RAI1: variants seen among roughly 807,000 people sequenced by gnomAD.
The protein encoded by RAI1 is retinoic acid induced 1, also known as retinoic acid-induced protein 1.
Under a neutral mutation model 123.8 loss-of-function variants are expected in RAI1, and 9 were observed. The ratio of observed to expected loss-of-function variants is 0.07; its 90% confidence interval spans 0.04 to 0.13. The LOEUF (loss-of-function observed/expected upper bound fraction) is 0.13. Among genes scored for constraint, RAI1 ranks in the 10% least tolerant of loss-of-function variants. The probability of loss-of-function intolerance (pLI) is 1.00; values close to 1 mark genes in which losing one functional copy is unlikely to be tolerated. For synonymous variants in RAI1, 1,231 were observed against 1,127.3 expected, an observed-to-expected ratio of 1.09 and a Z score of -1.84; for missense variants, 2,256 against 2,545.8, an observed-to-expected ratio of 0.89 and a Z score of 2.45.
intron 1 of RAI1, among the ~76,000 whole-genome samples, chr17:17,709,436 C>A (rs187923811): frequency 6.6e-6 from 1 of 152,232 alleles, no homozygotes; most frequent in East Asian, 1.9e-4. Flanking sequence ...CTCCACCCCT[C>A]CAGGCTCCCA....
chr17:17,682,401 C>G (rs1914462672), intron 1 of RAI1: 1 of 150,690 alleles, frequency 6.6e-6, no homozygotes, highest in Non-Finnish European at 1.5e-5. Flanking sequence ...AAGCGGCCCC[C>G]GCGACCTGGG....
At chr17:17,694,524 C>T (rs1914945202) in intron 1 of RAI1, among the ~76,000 whole-genome samples, 1 of 152,206 alleles carries the variant, frequency 6.6e-6, no homozygotes, top group African/African-American at 2.4e-5. Context: ...CCGGGCAGCT[C>T]CACGCTCGCC....
intron 2 of RAI1, chr17:17,778,939 A>AG (rs766524435): frequency 2.2e-6 from 1 of 456,914 alleles, no homozygotes; most frequent in South Asian, 1.5e-5. Flanking sequence ...GCCTGGGAAG[A>AG]GGGGCCAGTG....
At chr17:17,697,075 TCCCTACTGCCAGG>T (rs1440625077) in intron 1 of RAI1, among the ~76,000 whole-genome samples, 1 of 152,182 alleles carries the variant, frequency 6.6e-6, no homozygotes, top group Non-Finnish European at 1.5e-5. Context: ...CCCTGACCTA[TCCCTACTGCCAGG>T]CCTGTCTCTT....
chr17:17,742,447 G>A (rs1031826457), intron 2 of RAI1, among the ~76,000 whole-genome samples: 2 of 152,102 alleles, frequency 1.3e-5, no homozygotes, highest in African/African-American at 4.8e-5. Flanking sequence ...GAATGAACGA[G>A]TGAATGAATG....
intron 2 of RAI1, among the ~76,000 whole-genome samples, chr17:17,754,327 C>T (rs1482722575): frequency 6.6e-6 from 1 of 151,728 alleles, no homozygotes; most frequent in South Asian, 2.1e-4. Context: ...GCCTCAGCCC[C>T]CCGGGTTCAA....
rs1285590974 is a variant in RAI1, at chr17:17,800,228, C to T, written c.5565+1715C>T. Among the ~76,000 whole-genome samples the T allele has an allele frequency of 1.5e-5, 2 of 137,316 alleles. No individual in the cohort carries two copies. The highest frequency in any genetic ancestry group is 4.9e-4 in the South Asian group (2 of 4,072). The allele number at this position is 137,316 out of a possible 152,430, so 90.1% of individuals were successfully genotyped here. A position where few individuals can be genotyped will look rare whatever the true frequency, so the allele number is the denominator to read the frequency against. ...TCTCTCTCTCTCTCTCTCTCTCTCTCATTACTGGCTCCTTCCCAGCGCCTT... is the reference window on the plus strand; with the variant it reads ...TCTCTCTCTCTCTCTCTCTCTCTCTTATTACTGGCTCCTTCCCAGCGCCTT... On this transcript the variant is annotated intron_variant, in intron 3 of 5. Coordinates refer to ENST00000353383, the MANE Select transcript of RAI1 (RefSeq NM_030665.4). This position sits in a 1 kb window ranked among gnomAD's most constrained non-coding sequence, Gnocchi z 4.7.
At position 17,793,084 on chromosome 17, in the gene RAI1, C is replaced by A. The variant is rs1264382724; in HGVS notation, c.136C>A (p.Leu46Ile). 1 of 1,614,110 alleles carries A rather than the reference C, an allele frequency of 6.2e-7. No individual in the cohort carries two copies. Among genetic ancestry groups the A allele is most frequent in the Non-Finnish European group, 8.5e-7 (1 of 1,180,016 alleles). ...GCTAAGCTGCGACCGGCAGCGGCTG[C>A]TCGCCAAGGACTATTATAACCCGCA... ...AGLSCDRQRLLAKDYYNPQPY... is the reference protein window; with the variant it reads ...AGLSCDRQRLIAKDYYNPQPY... Residue 46 changes from leucine (L) to isoleucine (I), a missense_variant, in exon 3 of 6, where the codon CTC (leucine) becomes ATC (isoleucine). Transcript: ENST00000353383.
intron 1 of RAI1, among the ~76,000 whole-genome samples, chr17:17,713,431 G>C (rs1915623296): frequency 6.6e-6 from 1 of 152,154 alleles, no homozygotes. Context: ...CCTGAGGTCA[G>C]GGGTTCGAGA....
rs895686799 is a variant in RAI1 at position 17,801,147 on chromosome 17, C to T, written c.5566-2609C>T. ...CTCGATGGCCTTTTCTGGGAACTGCCCTCGCCTGCTATCTCTGAGCCCTGC... is the reference window on the plus strand; with the variant it reads ...CTCGATGGCCTTTTCTGGGAACTGCTCTCGCCTGCTATCTCTGAGCCCTGC... On this transcript the variant is annotated intron_variant, in intron 3 of 5. Coordinates refer to ENST00000353383, the MANE Select transcript of RAI1 (RefSeq NM_030665.4). This position sits in a 1 kb window ranked among gnomAD's most constrained non-coding sequence, Gnocchi z 4.1. 1.9e-4 allele frequency among the ~76,000 whole-genome samples: 29 copies of T among 152,190 alleles called. No homozygotes were observed. The highest frequency in any genetic ancestry group is 3.1e-4 in the Non-Finnish European group (21 of 68,028).
intron 1 of RAI1, among the ~76,000 whole-genome samples, chr17:17,700,758 G>A (rs763259414): frequency 9.2e-5 from 14 of 152,096 alleles, no homozygotes; most frequent in Non-Finnish European, 1.6e-4. Flanking sequence ...TTATCGCCCT[G>A]CCTCGGCGGA....
chr17:17,764,124 G>A (rs1300969424), intron 2 of RAI1, among the ~76,000 whole-genome samples: 3 of 152,212 alleles, frequency 2.0e-5, no homozygotes, highest in Non-Finnish European at 4.4e-5. Context: ...ATTTGGTGGT[G>A]GTGCCGACAC....
At chr17:17,687,636 T>G (rs543386515) in intron 1 of RAI1, among the ~76,000 whole-genome samples, 1 of 152,020 alleles carries the variant, frequency 6.6e-6, no homozygotes, top group South Asian at 2.1e-4. Context: ...TCAGGAAAAG[T>G]GGTTGAGTTT....
intron 1 of RAI1, among the ~76,000 whole-genome samples, chr17:17,686,881 T>A (rs554415438): frequency 2.4e-4 from 36 of 152,116 alleles, no homozygotes; most frequent in African/African-American, 8.4e-4. Context: ...CCCTAAGTGT[T>A]CTCTTGCTTG....
chr17:17,746,797 G>A (rs758830314), intron 2 of RAI1, among the ~76,000 whole-genome samples: 4 of 151,370 alleles, frequency 2.6e-5, no homozygotes, highest in East Asian at 3.9e-4. Context: ...CACCACGCCC[G>A]GCTAATTTTG....
At chr17:17,709,647 T>G (rs1389002943) in intron 1 of RAI1, among the ~76,000 whole-genome samples, 3 of 152,102 alleles carry the variant, frequency 2.0e-5, no homozygotes, top group Non-Finnish European at 2.9e-5. Context: ...GGTCCTGAGC[T>G]CCCTTCTCTG....
chr17:17,705,128 G>C (rs1413060139), intron 1 of RAI1, among the ~76,000 whole-genome samples: 1 of 152,176 alleles, frequency 6.6e-6, no homozygotes, highest in Admixed American at 6.5e-5. Context: ...AACATGGCTA[G>C]CACATCCTGA....
Position 17,810,503 on chromosome 17 carries a change from G to A in RAI1, c.*522G>A. ...CTAGCTCCGTGGACTAGGCGGGGGA[G>A]AAAGGAAGCCTTTCTGAGAGCGGGC... On this transcript the variant is annotated 3_prime_UTR_variant, in exon 6 of 6. Coordinates refer to ENST00000353383, the MANE Select transcript of RAI1 (RefSeq NM_030665.4). The surrounding 1 kb of genome is among the most constrained non-coding windows in gnomAD (Gnocchi z 4.6). 3.7e-6 allele frequency: 1 copy of A among 268,032 alleles called. No individual in the cohort carries two copies. The highest frequency in any genetic ancestry group is 7.5e-6 in the Non-Finnish European group (1 of 134,128). 16.6% of individuals were successfully genotyped at this position (268,032 alleles called of 1,614,324 possible).
intron 2 of RAI1, among the ~76,000 whole-genome samples, chr17:17,730,924 C>T (rs1916247947): frequency 6.6e-6 from 1 of 152,212 alleles, no homozygotes; most frequent in Non-Finnish European, 1.5e-5. Flanking sequence ...TACTTCGGGC[C>T]CACTCGCAGC....
Sources: gnomAD v4.1 joint callset for allele counts (sites outside exome capture counted in the v4.1 genomes callset) on GRCh38, gnomAD v4.1.1 for gene constraint, Gnocchi (gnomAD v3.1) non-coding constraint, MANE v1.5 for transcripts, NCBI Gene and HGNC (gene_info 2026-07-23, HGNC 2026-07-21) for gene names.